ABCC5: variants seen among roughly 807,000 people sequenced by gnomAD.
ABCC5 encodes the protein ATP-binding cassette sub-family C member 5.
In ABCC5, 61 loss-of-function variants were observed where a neutral mutation model predicts 160.9. That is an observed-to-expected ratio of 0.38 (90% CI 0.31 to 0.47). The LOEUF (loss-of-function observed/expected upper bound fraction) is 0.47. Among genes scored for constraint, ABCC5 ranks in the 20% least tolerant of loss-of-function variants. The probability of loss-of-function intolerance (pLI) is 0.99; values close to 1 mark genes in which losing one functional copy is unlikely to be tolerated. For synonymous variants in ABCC5, 666 were observed against 700.6 expected (o/e 0.95, Z 0.78); for missense variants, 1,308 against 1,813.3 (o/e 0.72, Z 5.06).
At chr3:183,931,467 G>A (rs1283347158) in intron 26 of ABCC5, among the ~76,000 whole-genome samples, 2 of 152,010 alleles carry the variant, frequency 1.3e-5, no homozygotes, top group African/African-American at 2.4e-5. Context: ...CAAGTAGCTG[G>A]GACTACAGGT....
chr3:183,985,420 T>TCC, intron 5 of ABCC5: 1 of 1,537,846 alleles, frequency 6.5e-7, no homozygotes, highest in Non-Finnish European at 9.0e-7. Flanking sequence ...ACAGAGAGAC[T>TCC]CCCCCCAAAT....
chr3:183,950,290 T>C (rs1011199930), intron 20 of ABCC5, among the ~76,000 whole-genome samples, 165 bp from the exon 21 acceptor site: 3 of 152,124 alleles, frequency 2.0e-5, no homozygotes, highest in African/African-American at 7.2e-5. Context: ...GCTCTGATTT[T>C]TTTTTTTCGT....
chr3:183,982,827 C>T lies in ABCC5; in HGVS notation c.772G>A (p.Ala258Thr), dbSNP rs1234157224. 3.7e-6 allele frequency: 6 copies of T among 1,614,190 alleles called. No homozygotes were observed. Among genetic ancestry groups the T allele is most frequent in the Non-Finnish European group, 5.1e-6 (6 of 1,180,026 alleles). ...VRLRGAILTM[A>T]FKKILKLKNI... ...TTTAACTTAAGGATCTTCTTAAATG[C>T]CATGGTTAGGATGGCCCCCCGCAAG... The change falls in exon 6 of 30, where the codon GCA becomes ACA. Residue 258 changes from alanine (A) to threonine (T), a missense_variant. Transcript: ENST00000334444. This position sits in a 1 kb window ranked among gnomAD's most constrained non-coding sequence, Gnocchi z 5.2.
At position 183,963,636 on chromosome 3, in the gene ABCC5, C is replaced by T; in HGVS notation, c.2032-48G>A. ...TGAAGCCTCCAGCGCAAGTCCAGAA[C>T]AGCGTGGAGGGGTCACCCAGTCACT... On this transcript the variant is annotated intron_variant, in intron 14 of 29. Coordinates refer to ENST00000334444, the MANE Select transcript of ABCC5 (RefSeq NM_005688.4). This position sits in a 1 kb window ranked among gnomAD's most constrained non-coding sequence, Gnocchi z 4.6. The T allele has an allele frequency of 6.3e-7, 1 of 1,591,138 alleles. No homozygotes were observed. The highest frequency in any genetic ancestry group is 1.1e-5 in the South Asian group (1 of 89,924).
intron 26 of ABCC5, among the ~76,000 whole-genome samples, chr3:183,933,365 A>G (rs1458995518): frequency 1.3e-5 from 2 of 152,088 alleles, no homozygotes; most frequent in Non-Finnish European, 2.9e-5. Flanking sequence ...GCTCACTGTC[A>G]GCCTAGCCAG....
chr3:183,956,529 C>T (rs910611790), intron 17 of ABCC5, among the ~76,000 whole-genome samples: 1 of 139,072 alleles, frequency 7.2e-6, no homozygotes, highest in Admixed American at 7.2e-5. Context: ...CGGTTACATG[C>T]AGATCAGTGT....
Position 183,987,429 on chromosome 3 carries a change from G to C in ABCC5, c.591+341C>G. 5.5e-6 allele frequency: 3 copies of C among 547,158 alleles called. No homozygotes were observed. Among genetic ancestry groups the C allele is most frequent in the South Asian group, 2.5e-5 (1 of 39,456 alleles). The allele number at this position is 547,158 out of a possible 1,614,324, so 33.9% of individuals were successfully genotyped here. Reference sequence around the variant, plus strand: ...CTCACCAGCCCGGGCCACACAACGTGCTCTCACCCACTCATAGCACTGCAA... The same window carrying C: ...CTCACCAGCCCGGGCCACACAACGTCCTCTCACCCACTCATAGCACTGCAA... On this transcript the variant is annotated intron_variant, in intron 5 of 29. Transcript: ENST00000334444. The surrounding 1 kb of genome is among the most constrained non-coding windows in gnomAD (Gnocchi z 4.2).
chr3:183,939,468 G>C lies in ABCC5; in HGVS notation c.3695-1408C>G, dbSNP rs962920181. Among the ~76,000 whole-genome samples, 6 of 152,072 alleles carry C rather than the reference G, an allele frequency of 3.9e-5. No individual in the cohort carries two copies. The South Asian group carries it at 1.2e-3, about 32-fold the overall frequency. ...AAACAAAAGCATTGTATAACACTCAGTCAACCATCTTTTAAAAAAATTTTC... is the reference window on the plus strand; with the variant it reads ...AAACAAAAGCATTGTATAACACTCACTCAACCATCTTTTAAAAAAATTTTC... On this transcript the variant is annotated intron_variant, in intron 25 of 29. Coordinates refer to ENST00000334444, the MANE Select transcript of ABCC5 (RefSeq NM_005688.4).
intron 26 of ABCC5, among the ~76,000 whole-genome samples, chr3:183,934,378 G>C (rs1250839030): frequency 6.6e-6 from 1 of 152,198 alleles, no homozygotes; most frequent in East Asian, 1.9e-4. Flanking sequence ...GGGGATAAAA[G>C]ACAAGTCCAG....
chr3:183,952,211 A>G (rs552684640), intron 18 of ABCC5, among the ~76,000 whole-genome samples: 11 of 149,944 alleles, frequency 7.3e-5, no homozygotes, highest in African/African-American at 2.2e-4. Flanking sequence ...CAGTGGCGCA[A>G]TCATGGCTCA....
Position 183,942,715 on chromosome 3 carries a change from G to T in ABCC5, c.3694+12C>A. On this transcript the variant is annotated intron_variant, in intron 25 of 29. Transcript: ENST00000334444. Reference sequence around the variant, plus strand: ...TTCCAATGGATTCAAAGAAGGCTTTGCACATCCTTACCTGATCCTGTCCGC... The same window carrying T: ...TTCCAATGGATTCAAAGAAGGCTTTTCACATCCTTACCTGATCCTGTCCGC... 6.2e-7 allele frequency: 1 copy of T among 1,609,324 alleles called. No homozygotes were observed. The highest frequency in any genetic ancestry group is 8.5e-7 in the Non-Finnish European group (1 of 1,176,378).
chr3:183,954,156 G>GT (rs113785991), intron 17 of ABCC5, among the ~76,000 whole-genome samples: 62,300 of 151,010 alleles, frequency 0.41, 13,298 homozygotes, highest in African/African-American at 0.53. Flanking sequence ...TTGTGTGTGT[G>GT]TTTTTTTTTG....
intron 16 of ABCC5, among the ~76,000 whole-genome samples, chr3:183,960,270 C>T (rs1470009219): frequency 1.3e-5 from 2 of 152,200 alleles, no homozygotes; most frequent in African/African-American, 4.8e-5. Flanking sequence ...CCTAATCCTG[C>T]AAGCTCCTCT....
chr3:183,978,451 C>T (rs899222014), intron 9 of ABCC5, 52 bp downstream of exon 9: 1 of 1,585,064 alleles, frequency 6.3e-7, no homozygotes. Flanking sequence ...GCCTCAGCCT[C>T]CAGCAAATGT....
chr3:183,953,414 C>T, intron 17 of ABCC5, 144 bp from the exon 18 acceptor site: 1 of 699,186 alleles, frequency 1.4e-6, no homozygotes. Flanking sequence ...AGCATTCATT[C>T]ATCTATTTAA....
intron 17 of ABCC5, among the ~76,000 whole-genome samples, chr3:183,956,945 C>T (rs1419417549): frequency 8.8e-5 from 13 of 147,090 alleles, no homozygotes; most frequent in African/African-American, 2.5e-4. Context: ...CGGTTACATG[C>T]GGATCCGTGT....
At chr3:183,957,673 G>C (rs1439000694) in intron 17 of ABCC5, among the ~76,000 whole-genome samples, 4 of 151,524 alleles carry the variant, frequency 2.6e-5, no homozygotes, top group Admixed American at 6.6e-5. Context: ...CCTCACACCG[G>C]TTACATGCAG....
intron 2 of ABCC5, among the ~76,000 whole-genome samples, chr3:183,994,651 G>A (rs1336987338): frequency 6.6e-6 from 1 of 152,204 alleles, no homozygotes; most frequent in Non-Finnish European, 1.5e-5. Flanking sequence ...TGGGATTACA[G>A]GCGTGAGCCA....
rs114819062 is a variant in ABCC5, at chr3:183,949,729, C to T, written c.3227+24G>A. The T allele has an allele frequency of 2.7e-3, 4,374 of 1,612,446 alleles. 14 individuals carry two copies. Among genetic ancestry groups the T allele is most frequent in the Non-Finnish European group, 3.4e-3 (4,008 of 1,179,394 alleles). The stretch of plus-strand genomic sequence containing the variant: ...CTGGGATGCTGACTCCCCTTTGAGG[C>T]CTCTAGCCCCCATCAGGACAAACCT... On this transcript the variant is annotated intron_variant, in intron 22 of 29. Coordinates refer to ENST00000334444, the MANE Select transcript of ABCC5 (RefSeq NM_005688.4). The surrounding 1 kb of genome is among the most constrained non-coding windows in gnomAD (Gnocchi z 4.2).
Sources: gnomAD v4.1 joint callset for allele counts (sites outside exome capture counted in the v4.1 genomes callset) on GRCh38, gnomAD v4.1.1 for gene constraint, Gnocchi (gnomAD v3.1) non-coding constraint, MANE v1.5 for transcripts, NCBI Gene and HGNC (gene_info 2026-07-23, HGNC 2026-07-21) for gene names.